Variants in CCN4 observed in about 807,000 individuals in gnomAD.
CCN4 encodes the protein cellular communication network factor 4.
CCN4 carries 30 observed loss-of-function variants against 36.7 expected under a neutral mutation model. That is an observed-to-expected ratio of 0.82 (90% CI 0.61 to 1.11). CCN4 has a LOEUF of 1.11. Among genes scored for constraint, CCN4 ranks in the 50% least tolerant of loss-of-function variants. The pLI, the probability that CCN4 is intolerant of heterozygous loss-of-function variation, is 0.00. For missense variants in CCN4, 505 were observed against 504.9 expected, an observed-to-expected ratio of 1.00 and a Z score of 0.00; for synonymous variants, 191 against 195.4, an observed-to-expected ratio of 0.98 and a Z score of 0.19.
Position 133,225,488 on chromosome 8 carries a change from C to G in CCN4, c.709C>G (p.Arg237Gly). 3 of 1,614,086 alleles carry G rather than the reference C, an allele frequency of 1.9e-6. No homozygotes were observed. Among genetic ancestry groups the G allele is most frequent in the Non-Finnish European group, 8.5e-7 (1 of 1,179,986 alleles). ...STSCGLGVST[R>G]ISNVNAQCWP... ...CAGCTGCGGCCTGGGGGTCTCCACT[C>G]GGATCTCCAATGTTAACGCCCAGTG... The change falls in exon 4 of 5, where the codon CGG (arginine) becomes GGG (glycine). Residue 237 changes from arginine to glycine, a missense_variant. Coordinates refer to ENST00000250160, the MANE Select transcript of CCN4 (RefSeq NM_003882.4).
chr8:133,225,008 CTTA>C (rs1456328466), intron 3 of CCN4, among the ~76,000 whole-genome samples: 1 of 151,910 alleles, frequency 6.6e-6, no homozygotes, highest in Non-Finnish European at 1.5e-5. Context: ...AAATCTAGGC[CTTA>C]TTATTGTGTT....
At chr8:133,195,883 C>T (rs1853364385) in intron 1 of CCN4, among the ~76,000 whole-genome samples, 1 of 152,218 alleles carries the variant, frequency 6.6e-6, no homozygotes, top group Non-Finnish European at 1.5e-5. Flanking sequence ...TTCCCAGGAA[C>T]CTCAGCCATC....
At chr8:133,223,908 C>A (rs1201805595) in intron 3 of CCN4, among the ~76,000 whole-genome samples, 3 of 152,198 alleles carry the variant, frequency 2.0e-5, no homozygotes, top group African/African-American at 2.4e-5. Context: ...CACTTACTAT[C>A]TTCTAGATGC....
At chr8:133,212,714 G>C in intron 1 of CCN4, 150 bp from the exon 2 acceptor site, 1 of 660,500 alleles carries the variant, frequency 1.5e-6, no homozygotes, top group Non-Finnish European at 2.6e-6. Context: ...GAGAATAAAG[G>C]AGATGTTTGG....
chr8:133,211,408 A>C (rs1348230838), intron 1 of CCN4, among the ~76,000 whole-genome samples: 1 of 152,254 alleles, frequency 6.6e-6, no homozygotes, highest in Non-Finnish European at 1.5e-5. Context: ...TGAGTGAATG[A>C]AAGAACCCAG....
chr8:133,191,780 T>C (rs1419635634), intron 1 of CCN4, among the ~76,000 whole-genome samples: 1 of 152,202 alleles, frequency 6.6e-6, no homozygotes, highest in Non-Finnish European at 1.5e-5. Context: ...TAACCCCAAC[T>C]GCTGTCACCT....
At chr8:133,200,018 G>A (rs944197700) in intron 1 of CCN4, among the ~76,000 whole-genome samples, 2 of 152,174 alleles carry the variant, frequency 1.3e-5, no homozygotes, top group Non-Finnish European at 2.9e-5. Flanking sequence ...CCCCAAGCAG[G>A]CTGCCTAGAC....
At chr8:133,211,322 C>T (rs1242133480) in intron 1 of CCN4, among the ~76,000 whole-genome samples, 1 of 152,236 alleles carries the variant, frequency 6.6e-6, no homozygotes, top group Non-Finnish European at 1.5e-5. Flanking sequence ...GTTCCCCAAT[C>T]ATAGGGACTT....
At chr8:133,226,150 G>A (rs193288006) in intron 4 of CCN4, among the ~76,000 whole-genome samples, 1 of 152,324 alleles carries the variant, frequency 6.6e-6, no homozygotes, top group Admixed American at 6.5e-5. Context: ...ACATTAGTTT[G>A]AGCCCCAGTC....
At chr8:133,216,544 A>C (rs1444026437) in intron 2 of CCN4, among the ~76,000 whole-genome samples, 1 of 152,004 alleles carries the variant, frequency 6.6e-6, no homozygotes, top group African/African-American at 2.4e-5. Flanking sequence ...TTGGCAATAC[A>C]TTCAAAAATA....
rs147894824 is a variant in CCN4 at position 133,200,222 on chromosome 8, C to T, written c.69+9009C>T. On this transcript the variant is annotated intron_variant, in intron 1 of 4. Transcript: ENST00000250160. ...ACCATTGCCAGATGTGGAAGGCCCA[C>T]AGTGATCCCTTCATCCCAGCCTGCT... is the stretch of plus-strand genomic sequence containing the variant. Among the ~76,000 whole-genome samples the T allele has an allele frequency of 3.6e-3, 553 of 152,336 alleles. 3 individuals are homozygous for T. Among genetic ancestry groups the T allele is most frequent in the African/African-American group, 0.012 (499 of 41,582 alleles).
rs766774990 is a variant in CCN4, at chr8:133,225,534, GC to G, written c.757del (p.Leu253SerfsTer31). 1.1e-5 allele frequency: 18 copies of G among 1,613,274 alleles called. No individual in the cohort carries two copies. The South Asian group carries it at 1.9e-4, about 17-fold the overall frequency. On this transcript the variant is annotated frameshift_variant, in exon 4 of 5. Coordinates refer to ENST00000250160, the MANE Select transcript of CCN4 (RefSeq NM_003882.4). LOFTEE classifies it high-confidence loss of function. ...CAGTGCTGGCCTGAGCAAGAGAGCC[GC>G]CTCTGCAACTTGCGGCCATGCGATG... is the stretch of plus-strand genomic sequence containing the variant. Reference protein sequence around the residue: ...NAQCWPEQESRLCNLRPCDVD... With the variant: ...NAQCWPEQESXLCNLRPCDVD...
chr8:133,198,757 T>C (rs1395198268), intron 1 of CCN4, among the ~76,000 whole-genome samples: 3 of 152,224 alleles, frequency 2.0e-5, no homozygotes, highest in Non-Finnish European at 4.4e-5. Flanking sequence ...GACTCTCTGC[T>C]GGCCTTGCCC....
chr8:133,225,038 G>A (rs1854677690), intron 3 of CCN4, among the ~76,000 whole-genome samples: 1 of 152,154 alleles, frequency 6.6e-6, no homozygotes, highest in South Asian at 2.1e-4. Flanking sequence ...CGCACAGGCA[G>A]GTGTTATTGT....
chr8:133,223,240 C>T (rs1362703181), intron 3 of CCN4, among the ~76,000 whole-genome samples: 6 of 152,138 alleles, frequency 3.9e-5, no homozygotes, highest in African/African-American at 1.4e-4. Context: ...AAGCTGTCTG[C>T]CATTGTGTCT....
At chr8:133,192,631 G>A (rs1345574444) in intron 1 of CCN4, among the ~76,000 whole-genome samples, 2 of 152,334 alleles carry the variant, frequency 1.3e-5, no homozygotes, top group Middle Eastern at 3.4e-3. Flanking sequence ...GAGCTAAGTC[G>A]CTGTTTATTT....
chr8:133,221,326 A>C (rs1238708173), intron 3 of CCN4, among the ~76,000 whole-genome samples: 9 of 152,222 alleles, frequency 5.9e-5, no homozygotes, highest in Admixed American at 5.9e-4. Flanking sequence ...GGACAGGCCC[A>C]ATTGTTTCAC....
Position 133,224,118 on chromosome 8 carries a change from T to TG in CCN4, c.611-1268dup, listed in dbSNP as rs1418089446. On this transcript the variant is annotated intron_variant, in intron 3 of 4. Coordinates refer to ENST00000250160, the MANE Select transcript of CCN4 (RefSeq NM_003882.4). ...TGCTATAGCCAACCCCATGTGCAGG[T>TG]GGGGATCCTGAGGCAAGGAGGTGTG... Among the ~76,000 whole-genome samples the TG allele has an allele frequency of 2.6e-5, 4 of 151,526 alleles. No homozygotes were observed. In the East Asian group the frequency reaches 7.8e-4, roughly 29 times the overall value.
chr8:133,216,764 C>T (rs1854334863), intron 2 of CCN4, among the ~76,000 whole-genome samples: 1 of 152,232 alleles, frequency 6.6e-6, no homozygotes. Flanking sequence ...CTGCCACTTG[C>T]TAGCTACGTG....
Sources: gnomAD v4.1 joint callset for allele counts (sites outside exome capture counted in the v4.1 genomes callset) on GRCh38, gnomAD v4.1.1 for gene constraint, MANE v1.5 for transcripts, NCBI Gene and HGNC (gene_info 2026-07-23, HGNC 2026-07-21) for gene names.